Variants in PRKDC observed in about 807,000 individuals in gnomAD.
PRKDC encodes the protein protein kinase, DNA-activated, catalytic subunit.
In PRKDC, 82 loss-of-function variants were observed where a neutral mutation model predicts 486.9. The observed-to-expected ratio is 0.17, with a 90% CI of 0.14 to 0.20. The LOEUF (loss-of-function observed/expected upper bound fraction) is 0.20, where lower values mean the gene tolerates loss of function less well. Ranked by LOEUF, PRKDC falls within the 10% of genes least tolerant of loss-of-function variation. PRKDC has a pLI of 1.00. For synonymous variants in PRKDC, 1,895 were observed against 1,837.0 expected (o/e 1.03, Z -0.81); for missense variants, 4,504 against 5,038.2 (o/e 0.89, Z 3.21).
chr8:47,811,417 G>C (rs1455332350), intron 68 of PRKDC, among the ~76,000 whole-genome samples: 1 of 152,166 alleles, frequency 6.6e-6, no homozygotes, highest in Non-Finnish European at 1.5e-5. Flanking sequence ...GCTAAACGAA[G>C]ATTTTTAGGC....
At chr8:47,817,415 C>A in intron 68 of PRKDC, 35 bp downstream of exon 68, 1 of 1,399,100 alleles carries the variant, frequency 7.1e-7, no homozygotes. Context: ...TTTCAAAAAA[C>A]AATCCACATT....
chr8:47,816,565 A>G (rs1029730198), intron 68 of PRKDC, among the ~76,000 whole-genome samples: 4 of 152,218 alleles, frequency 2.6e-5, no homozygotes, highest in African/African-American at 9.7e-5. Flanking sequence ...TAGTTACATA[A>G]AGAAAAATTC....
At position 47,959,973 on chromosome 8, in the gene PRKDC, C is replaced by G; in HGVS notation, c.154G>C (p.Ala52Pro). The G allele has an allele frequency of 6.5e-7, 1 of 1,535,160 alleles. No homozygotes were observed. Among genetic ancestry groups the G allele is most frequent in the Middle Eastern group, 1.8e-4 (1 of 5,638 alleles). Reference sequence around the variant, plus strand: ...CGGCCCAGCTCGGGCCGGTACCCACCCAGCACCGCGGGGCTGCTGCTCAGG... The same window carrying G: ...CGGCCCAGCTCGGGCCGGTACCCACGCAGCACCGCGGGGCTGCTGCTCAGG... ...CVLSSSPAVL[A>P]LQTSLVFSRD... The change falls in exon 1 of 86, where the codon GCA becomes CCA. Residue 52 changes from alanine (A) to proline (P), a missense_variant and splice_region_variant. By Grantham distance (27) the Ala-to-Pro change is conservative. This residue lies in a region of PRKDC where 145 missense variants were observed against 136.3 expected (regional missense o/e 1.06). Transcript: ENST00000314191.
intron 32 of PRKDC, among the ~76,000 whole-genome samples, chr8:47,889,941 C>T (rs992785744): frequency 3.9e-5 from 6 of 152,112 alleles, no homozygotes; most frequent in Non-Finnish European, 7.4e-5. Context: ...TTTAGCCATA[C>T]CACAAGGCAG....
At chr8:47,791,524 C>T (rs1480496707) in intron 74 of PRKDC, among the ~76,000 whole-genome samples, 10 of 150,842 alleles carry the variant, frequency 6.6e-5, no homozygotes, top group Admixed American at 5.3e-4. Context: ...GCTCAAACAA[C>T]TCAACAGGAA....
chr8:47,801,829 C>G (rs971425176), intron 70 of PRKDC, among the ~76,000 whole-genome samples: 4 of 152,160 alleles, frequency 2.6e-5, no homozygotes, highest in African/African-American at 9.7e-5. Context: ...GAGGCCTGAT[C>G]AACCACATGC....
intron 38 of PRKDC, 116 bp downstream of exon 38, chr8:47,881,300 C>T: frequency 1.5e-6 from 1 of 658,602 alleles, no homozygotes; most frequent in Non-Finnish European, 2.7e-6. Context: ...GTGCTAGTCT[C>T]CCTACATTTG....
At chr8:47,838,850 A>T (rs2088081679) in intron 56 of PRKDC, among the ~76,000 whole-genome samples, 1 of 152,256 alleles carries the variant, frequency 6.6e-6, no homozygotes. Flanking sequence ...GGGAAACAGA[A>T]GAATTGTCAT....
intron 34 of PRKDC, 124 bp from the exon 35 acceptor site, chr8:47,887,829 A>T: frequency 1.9e-6 from 2 of 1,053,748 alleles, no homozygotes; most frequent in South Asian, 2.0e-5. Flanking sequence ...TCCAATATTC[A>T]GAAAAATTTT....
At chr8:47,824,049 G>T in intron 63 of PRKDC, 53 bp from the exon 64 acceptor site, 1 of 1,400,156 alleles carries the variant, frequency 7.1e-7, no homozygotes, top group South Asian at 1.9e-5. Context: ...TATTTTAAAA[G>T]TATTTATTCT....
At chr8:47,798,539 C>G (rs2087027842) in intron 72 of PRKDC, 142 bp from the exon 73 acceptor site, 1 of 873,892 alleles carries the variant, frequency 1.1e-6, no homozygotes. Context: ...TTTACACCAA[C>G]AAACACCAGG....
At chr8:47,836,205 T>A in intron 58 of PRKDC, 133 bp downstream of exon 58, 1 of 923,086 alleles carries the variant, frequency 1.1e-6, no homozygotes, top group Non-Finnish European at 1.5e-6. Context: ...TTGAATGACA[T>A]CTTCCTTGGG....
intron 65 of PRKDC, among the ~76,000 whole-genome samples, chr8:47,821,306 C>T (rs1437207940): frequency 6.6e-6 from 1 of 152,116 alleles, no homozygotes; most frequent in African/African-American, 2.4e-5. Flanking sequence ...TGTGTTTAGC[C>T]AGTGATCCGG....
At chr8:47,883,507 C>T (rs1195974212) in intron 36 of PRKDC, among the ~76,000 whole-genome samples, 1 of 152,210 alleles carries the variant, frequency 6.6e-6, no homozygotes, top group East Asian at 1.9e-4. Flanking sequence ...AAATGCCACT[C>T]CTGACCCCTG....
chr8:47,936,386 C>T lies in PRKDC; in HGVS notation c.1245G>A (p.Gln415=), dbSNP rs753549842. 24 of 1,613,672 alleles carry T rather than the reference C, an allele frequency of 1.5e-5. No homozygotes were observed. The highest frequency in any genetic ancestry group is 4.5e-5 in the East Asian group (2 of 44,894). The change falls in exon 12 of 86, where the codon CAG becomes CAA. Residue 415 remains glutamine, a synonymous_variant. Transcript: ENST00000314191. Reference sequence around the variant, plus strand: ...GGTACAGCAAGACGCTTGCAACAGACTGGAGGAAGCTTGGCATCTGATAAA... The same window carrying T: ...GGTACAGCAAGACGCTTGCAACAGATTGGAGGAAGCTTGGCATCTGATAAA... ...DRVYQMPSFL[Q]SVASVLLYLD... is the part of the protein sequence containing the mutation.
intron 57 of PRKDC, among the ~76,000 whole-genome samples, chr8:47,836,940 C>T (rs1054016661): frequency 2.0e-5 from 3 of 152,146 alleles, no homozygotes; most frequent in African/African-American, 4.8e-5. Flanking sequence ...TAGGCTGCTG[C>T]GAGACAGGAC....
intron 33 of PRKDC, 46 bp downstream of exon 33, chr8:47,888,968 T>C (rs1245492065): frequency 6.4e-7 from 1 of 1,572,896 alleles, no homozygotes; most frequent in Admixed American, 1.7e-5. Flanking sequence ...TACTAGGGCC[T>C]GAAATTCCAG....
At chr8:47,910,310 G>A (rs2089873981) in intron 25 of PRKDC, among the ~76,000 whole-genome samples, 1 of 152,152 alleles carries the variant, frequency 6.6e-6, no homozygotes, top group South Asian at 2.1e-4. Flanking sequence ...GCAGTGTAAA[G>A]GCCCACTGGA....
rs1204997015 is a variant in PRKDC at position 47,960,010 on chromosome 8, C to T, written c.117G>A (p.Gly39=). The T allele has an allele frequency of 1.3e-6, 2 of 1,534,604 alleles. No homozygotes were observed. Among genetic ancestry groups the T allele is most frequent in the Non-Finnish European group, 1.7e-6 (2 of 1,146,622 alleles). The stretch of plus-strand genomic sequence containing the variant: ...GGCTGCTGCTCAGGACGCATTCCTG[C>T]CCCAGGCCGCGGATCAGTTGATGAC... ...LAGHQLIRGL[G]QECVLSSSPA... The change falls in exon 1 of 86, where the codon GGG becomes GGA. Residue 39 remains glycine, a synonymous_variant. Transcript: ENST00000314191.
Sources: allele counts gnomAD v4.1 joint callset (sites outside exome capture counted in the v4.1 genomes callset), GRCh38; gene constraint gnomAD v4.1.1; regional missense constraint gnomAD v4.1.1; transcripts MANE v1.5; gene names NCBI Gene and HGNC (gene_info 2026-07-23, HGNC 2026-07-21).